The following SH3KBP1 variants were observed in gnomAD, a reference collection of about 807,000 sequenced individuals.
SH3KBP1 encodes the protein SH3 domain containing kinase binding protein 1.
Under a neutral mutation model 50.1 loss-of-function variants are expected in SH3KBP1, and 8 were observed. The ratio of observed to expected loss-of-function variants is 0.16; its 90% CI spans 0.09 to 0.29. The LOEUF (loss-of-function observed/expected upper bound fraction) is 0.29, where lower values mean the gene tolerates loss of function less well. Among genes scored for constraint, SH3KBP1 ranks in the 10% least tolerant of loss-of-function variants. The pLI is 1.00. For missense variants in SH3KBP1, 377 were observed against 535.2 expected (o/e 0.70, Z 2.92); for synonymous variants, 227 against 218.6 (o/e 1.04, Z -0.34).
chrX:19,584,062 CAA>C (rs1644352745), intron 12 of SH3KBP1, among the ~76,000 whole-genome samples: 1 of 87,707 alleles, frequency 1.1e-5, no homozygotes, highest in Non-Finnish European at 2.1e-5. Context: ...TTCTATATTT[CAA>C]AATAGATAAA....
chrX:19,699,684 A>G (rs756284225), intron 4 of SH3KBP1, among the ~76,000 whole-genome samples: 33 of 112,277 alleles, frequency 2.9e-4, no homozygotes, highest in Admixed American at 2.9e-3. Flanking sequence ...CTTTACAATC[A>G]ACAGCATCTA....
intron 6 of SH3KBP1, among the ~76,000 whole-genome samples, chrX:19,652,913 C>T (rs1569385933): frequency 4.4e-5 from 5 of 112,371 alleles, no homozygotes. Flanking sequence ...TTATCTCCTT[C>T]CTCTTTGATG....
At chrX:19,645,541 T>C (rs41309703) in intron 6 of SH3KBP1, 66 bp from the exon 7 acceptor site, 1 of 878,220 alleles carries the variant, frequency 1.1e-6, no homozygotes, top group Non-Finnish European at 1.7e-6. Context: ...AGGAATAAGA[T>C]CCAGATCATA....
chrX:19,629,167 G>A (rs745858867), intron 8 of SH3KBP1, among the ~76,000 whole-genome samples: 6 of 109,186 alleles, frequency 5.5e-5, no homozygotes, highest in Non-Finnish European at 9.5e-5. Flanking sequence ...AGGGCATCTC[G>A]GGCATCAGGA....
At chrX:19,675,078 CAAATAAATAAAT>C (rs112493377) in intron 6 of SH3KBP1, among the ~76,000 whole-genome samples, 15 of 106,699 alleles carry the variant, frequency 1.4e-4, no homozygotes, top group African/African-American at 2.1e-4. Flanking sequence ...GACCCTGCCT[CAAATAAATAAAT>C]AAATAAATAA....
chrX:19,618,398 A>C (rs942423989), intron 8 of SH3KBP1, among the ~76,000 whole-genome samples: 1 of 107,214 alleles, frequency 9.3e-6, no homozygotes, highest in Non-Finnish European at 1.9e-5. Context: ...AAAAAAAAAA[A>C]AAAAAAAAAA....
At chrX:19,651,939 G>C (rs1165907618) in intron 6 of SH3KBP1, among the ~76,000 whole-genome samples, 1 of 111,766 alleles carries the variant, frequency 8.9e-6, no homozygotes, top group African/African-American at 3.3e-5. Flanking sequence ...TGCCCACCTC[G>C]AGAGTAGGAC....
chrX:19,748,737 C>T (rs747158852), intron 2 of SH3KBP1, among the ~76,000 whole-genome samples: 1 of 110,918 alleles, frequency 9.0e-6, no homozygotes, highest in South Asian at 3.8e-4. Flanking sequence ...AACACCCAAG[C>T]TCAATGCAGC....
chrX:19,699,360 A>G (rs1342193890), intron 4 of SH3KBP1, among the ~76,000 whole-genome samples: 1 of 112,724 alleles, frequency 8.9e-6, no homozygotes, highest in Non-Finnish European at 1.9e-5. Flanking sequence ...CAAGGAAAGG[A>G]CAATAATAAA....
intron 2 of SH3KBP1, among the ~76,000 whole-genome samples, chrX:19,757,733 G>A (rs1454640835): frequency 1.2e-4 from 13 of 110,722 alleles, no homozygotes; most frequent in East Asian, 5.6e-4. Context: ...CCTGTCTCCC[G>A]GGCGTGCGTC....
In SH3KBP1 at chrX:19,534,080, A is replaced by G. The variant is rs2064651382; in HGVS notation, c.*2337T>C. 1 of 111,177 alleles carries G rather than the reference A, an allele frequency of 9.0e-6. No individual in the cohort carries two copies. Among genetic ancestry groups the G allele is most frequent in the Middle Eastern group, 4.2e-3 (1 of 239 alleles). 9.2% of individuals were successfully genotyped at this position (111,177 alleles called of 1,213,427 possible). ...TGAAGCAAAAAAATAATCTCCATAG[A>G]TGCCTGGTCGAGTCCATGCTGAATG... is the stretch of plus-strand genomic sequence containing the variant. On this transcript the variant is annotated 3_prime_UTR_variant, in exon 18 of 18. Coordinates refer to ENST00000397821, the MANE Select transcript of SH3KBP1 (RefSeq NM_031892.3).
chrX:19,786,038 C>A (rs1286783609), intron 2 of SH3KBP1, among the ~76,000 whole-genome samples: 1 of 111,888 alleles, frequency 8.9e-6, no homozygotes, highest in East Asian at 2.8e-4. Context: ...GCTATTTGAA[C>A]CATACACTTC....
intron 6 of SH3KBP1, among the ~76,000 whole-genome samples, chrX:19,677,136 A>C (rs1222834016): frequency 8.9e-6 from 1 of 111,907 alleles, no homozygotes; most frequent in Non-Finnish European, 1.9e-5. Context: ...TGGCACCAAA[A>C]ACCCAGCATT....
chrX:19,588,399 G>T, intron 12 of SH3KBP1: 1 of 1,111,085 alleles, frequency 9.0e-7, no homozygotes, highest in African/African-American at 1.8e-5. Flanking sequence ...CTAAATGCTG[G>T]GTACCCAGTC....
At chrX:19,672,878 G>A (rs1185760273) in intron 6 of SH3KBP1, among the ~76,000 whole-genome samples, 1 of 105,665 alleles carries the variant, frequency 9.5e-6, no homozygotes, top group African/African-American at 3.5e-5. Flanking sequence ...CCAACATGGT[G>A]AAACCTCGTC....
chrX:19,561,070 T>C (rs1232315477), intron 13 of SH3KBP1, among the ~76,000 whole-genome samples: 3 of 80,132 alleles, frequency 3.7e-5, no homozygotes, highest in Non-Finnish European at 6.7e-5. Context: ...CAAGACCCTG[T>C]CTAAAAAAAA....
At chrX:19,775,893 T>C (rs1318578268) in intron 2 of SH3KBP1, among the ~76,000 whole-genome samples, 1 of 111,975 alleles carries the variant, frequency 8.9e-6, no homozygotes, top group East Asian at 2.8e-4. Context: ...TGCAAGCTAC[T>C]TCACATTTAT....
intron 2 of SH3KBP1, among the ~76,000 whole-genome samples, chrX:19,825,415 C>T (rs1185728545): frequency 9.0e-6 from 1 of 111,723 alleles, no homozygotes; most frequent in Non-Finnish European, 1.9e-5. Context: ...ATTCAGACAC[C>T]CAGATAATGC....
At chrX:19,793,213 G>C (rs1174648411) in intron 2 of SH3KBP1, among the ~76,000 whole-genome samples, 2 of 108,552 alleles carry the variant, frequency 1.8e-5, no homozygotes, top group Non-Finnish European at 3.8e-5. Context: ...TGGGAGGATT[G>C]TTTGAGCCTG....
Sources: allele counts gnomAD v4.1 joint callset (sites outside exome capture counted in the v4.1 genomes callset), GRCh38; gene constraint gnomAD v4.1.1; transcripts MANE v1.5; gene names NCBI Gene and HGNC (gene_info 2026-07-23, HGNC 2026-07-21).